The following TSPAN5 variants were observed in gnomAD, a reference collection of about 807,000 sequenced individuals.
TSPAN5 encodes the protein tetraspanin-5.
In TSPAN5, 10 loss-of-function variants were observed where a neutral mutation model predicts 37.1. The ratio of observed to expected loss-of-function variants is 0.27; its 90% CI spans 0.17 to 0.46. TSPAN5 has a LOEUF of 0.46. TSPAN5 is among the 20% of genes least tolerant of loss of function. The pLI is 1.00. For missense variants in TSPAN5, 195 were observed against 326.6 expected (o/e 0.60, Z 3.11); for synonymous variants, 110 against 118.9 (o/e 0.93, Z 0.48).
intron 1 of TSPAN5, among the ~76,000 whole-genome samples, chr4:98,651,857 C>T (rs986772298): frequency 7.0e-6 from 1 of 143,414 alleles, no homozygotes; most frequent in African/African-American, 2.6e-5. Flanking sequence ...TTCTTTCCTT[C>T]AACATACTTT....
At chr4:98,474,022 C>T (rs1298401110) in intron 7 of TSPAN5, among the ~76,000 whole-genome samples, 1 of 152,142 alleles carries the variant, frequency 6.6e-6, no homozygotes, top group Non-Finnish European at 1.5e-5. Context: ...TTGATGGTAT[C>T]ATTTTCAGCA....
intron 1 of TSPAN5, among the ~76,000 whole-genome samples, chr4:98,657,320 T>C (rs2110298568): frequency 6.6e-6 from 1 of 152,290 alleles, no homozygotes; most frequent in Non-Finnish European, 1.5e-5. Flanking sequence ...GCATTTGCTC[T>C]CTCGGTTCCC....
At chr4:98,505,285 C>T (rs1449581771) in intron 2 of TSPAN5, among the ~76,000 whole-genome samples, 1 of 152,140 alleles carries the variant, frequency 6.6e-6, no homozygotes, top group Non-Finnish European at 1.5e-5. Flanking sequence ...CCCCTTGTAC[C>T]TAGAATATAT....
chr4:98,597,545 G>GT (rs1224601435), intron 1 of TSPAN5, among the ~76,000 whole-genome samples: 2 of 37,900 alleles, frequency 5.3e-5, no homozygotes, highest in Non-Finnish European at 4.1e-5. Flanking sequence ...TTTCTGTTCT[G>GT]TTTTTTCCCC....
At chr4:98,620,975 G>A (rs1437987962) in intron 1 of TSPAN5, among the ~76,000 whole-genome samples, 1 of 152,134 alleles carries the variant, frequency 6.6e-6, no homozygotes. Flanking sequence ...ATCTCAAAAC[G>A]TGACTTTATT....
At chr4:98,535,598 G>T (rs963867569) in intron 1 of TSPAN5, among the ~76,000 whole-genome samples, 1 of 152,170 alleles carries the variant, frequency 6.6e-6, no homozygotes, top group African/African-American at 2.4e-5. Flanking sequence ...ATTTGGGGAA[G>T]TTCTCCTGGA....
chr4:98,576,913 C>G (rs953455984), intron 1 of TSPAN5, among the ~76,000 whole-genome samples: 5 of 152,120 alleles, frequency 3.3e-5, no homozygotes, highest in Non-Finnish European at 1.5e-5. Flanking sequence ...GTACCCGCCA[C>G]CACATCTGGC....
At chr4:98,579,306 T>C (rs1755316604) in intron 1 of TSPAN5, among the ~76,000 whole-genome samples, 1 of 152,136 alleles carries the variant, frequency 6.6e-6, no homozygotes. Context: ...AGAGAAACAA[T>C]ACTCACCCTC....
chr4:98,485,985 C>T (rs1250687886), intron 3 of TSPAN5, among the ~76,000 whole-genome samples: 1 of 152,022 alleles, frequency 6.6e-6, no homozygotes, highest in Admixed American at 6.6e-5. Flanking sequence ...ATGATTCAGA[C>T]GCCCATCAGA....
chr4:98,514,987 T>C (rs193049615), intron 1 of TSPAN5, among the ~76,000 whole-genome samples: 119 of 152,262 alleles, frequency 7.8e-4, no homozygotes, highest in Admixed American at 3.3e-3. Flanking sequence ...GAGGAGGCAC[T>C]GCAATATGAA....
At chr4:98,644,109 T>C (rs1414002134) in intron 1 of TSPAN5, among the ~76,000 whole-genome samples, 2 of 151,866 alleles carry the variant, frequency 1.3e-5, no homozygotes, top group Non-Finnish European at 2.9e-5. Flanking sequence ...CTAAAGGAGA[T>C]TTATTGATTT....
At chr4:98,657,677 G>A (rs1757319822) in intron 1 of TSPAN5, 3 of 233,136 alleles carry the variant, frequency 1.3e-5, no homozygotes, top group Non-Finnish European at 8.4e-6. Context: ...GCATGGCACA[G>A]ACCAGCCGCG....
At chr4:98,487,159 A>G (rs1227742235) in intron 2 of TSPAN5, among the ~76,000 whole-genome samples, 8 of 137,034 alleles carry the variant, frequency 5.8e-5, no homozygotes, top group African/African-American at 2.2e-4. Flanking sequence ...GGAGGGGGGG[A>G]TGGAGGGAAG....
At chr4:98,608,617 C>T (rs962562109) in intron 1 of TSPAN5, among the ~76,000 whole-genome samples, 5 of 152,124 alleles carry the variant, frequency 3.3e-5, no homozygotes, top group Non-Finnish European at 7.4e-5. Flanking sequence ...GATGATTTTC[C>T]TCCTCTCCAC....
intron 1 of TSPAN5, among the ~76,000 whole-genome samples, chr4:98,561,424 A>G (rs1336910023): frequency 6.6e-6 from 1 of 152,234 alleles, no homozygotes; most frequent in Non-Finnish European, 1.5e-5. Context: ...TTCCATTGTC[A>G]TATCCCTAGG....
At chr4:98,503,127 T>C (rs1311078664) in intron 2 of TSPAN5, among the ~76,000 whole-genome samples, 1 of 151,880 alleles carries the variant, frequency 6.6e-6, no homozygotes, top group East Asian at 1.9e-4. Context: ...ACTGTGTCAT[T>C]GTGGAATCCT....
At chr4:98,599,356 A>C (rs1755830175) in intron 1 of TSPAN5, among the ~76,000 whole-genome samples, 1 of 152,216 alleles carries the variant, frequency 6.6e-6, no homozygotes, top group African/African-American at 2.4e-5. Context: ...AAATCTAAAG[A>C]AACAAGGTCA....
At chr4:98,511,582 T>C (rs554518313) in intron 1 of TSPAN5, among the ~76,000 whole-genome samples, 11 of 152,324 alleles carry the variant, frequency 7.2e-5, no homozygotes, top group African/African-American at 2.4e-4. Context: ...TGAAACATCA[T>C]TATATGGCAC....
chr4:98,511,717 CG>C (rs573777313), intron 1 of TSPAN5, among the ~76,000 whole-genome samples: 303 of 152,178 alleles, frequency 2.0e-3, no homozygotes, highest in Non-Finnish European at 3.3e-3. Context: ...TACATCTTGA[CG>C]TGATAACATT....
Sources: allele counts gnomAD v4.1 joint callset (sites outside exome capture counted in the v4.1 genomes callset), GRCh38; gene constraint gnomAD v4.1.1; transcripts MANE v1.5; gene names NCBI Gene and HGNC (gene_info 2026-07-23, HGNC 2026-07-21).